The following ELMOD1 variants were observed in gnomAD, a reference collection of about 807,000 sequenced individuals.
ELMOD1 encodes ELMO domain containing 1.
In ELMOD1, 21 loss-of-function variants were observed where a neutral mutation model predicts 46.7. That is an observed-to-expected ratio of 0.45 (90% CI 0.32 to 0.65). The LOEUF is 0.65. ELMOD1 is among the 30% of genes least tolerant of loss of function. The pLI, the probability that ELMOD1 is intolerant of heterozygous loss-of-function variation, is 0.04. For missense variants in ELMOD1, 348 were observed against 407.8 expected, an observed-to-expected ratio of 0.85 and a Z score of 1.26; for synonymous variants, 122 against 138.2, an observed-to-expected ratio of 0.88 and a Z score of 0.82.
intron 1 of ELMOD1, among the ~76,000 whole-genome samples, chr11:107,594,112 T>C (rs1371272595): frequency 6.6e-6 from 1 of 151,640 alleles, no homozygotes; most frequent in African/African-American, 2.4e-5. Context: ...GCTGTGCCAG[T>C]AGTGTGTGTT....
At chr11:107,628,103 A>G (rs1388131258) in intron 2 of ELMOD1, among the ~76,000 whole-genome samples, 7 of 149,518 alleles carry the variant, frequency 4.7e-5, no homozygotes, top group African/African-American at 1.7e-4. Context: ...TTTTTTTGGC[A>G]TAGCTATCCA....
intron 2 of ELMOD1, chr11:107,625,266 A>G (rs1261811687): frequency 4.5e-6 from 2 of 440,678 alleles, no homozygotes; most frequent in Non-Finnish European, 6.0e-6. Context: ...GGGGACATTG[A>G]GCCGCTTGCT....
At chr11:107,617,582 A>G (rs940385702) in intron 1 of ELMOD1, among the ~76,000 whole-genome samples, 4 of 152,188 alleles carry the variant, frequency 2.6e-5, no homozygotes, top group South Asian at 2.1e-4. Context: ...CCAAAAGACA[A>G]TGGGGCCTGG....
chr11:107,628,334 T>A (rs1330982750), intron 2 of ELMOD1, among the ~76,000 whole-genome samples: 1 of 152,008 alleles, frequency 6.6e-6, no homozygotes, highest in Non-Finnish European at 1.5e-5. Context: ...GCCCAGCTAA[T>A]TTTTGTATTT....
chr11:107,663,654 G>A (rs1055754230), intron 11 of ELMOD1, among the ~76,000 whole-genome samples: 1 of 152,196 alleles, frequency 6.6e-6, no homozygotes, highest in East Asian at 1.9e-4. Flanking sequence ...CCGGCCATGT[G>A]TGTTGGGGGC....
chr11:107,599,695 T>C (rs551787682), intron 1 of ELMOD1, among the ~76,000 whole-genome samples: 43 of 137,734 alleles, frequency 3.1e-4, no homozygotes, highest in African/African-American at 1.0e-3. Flanking sequence ...TGAGCCAAGA[T>C]TGTGGCACTG....
rs180727082 is a variant in ELMOD1, at chr11:107,637,096, C to T, written c.420+1331C>T. ...TTTTCAACAAATATAAGTGAATGCA[C>T]GAATTATTATAGTTCATTAGCTACA... On this transcript the variant is annotated intron_variant, in intron 6 of 11. Transcript: ENST00000265840. 4.8e-3 allele frequency among the ~76,000 whole-genome samples: 726 copies of T among 152,234 alleles called. 3 individuals are homozygous for T. The highest frequency in any genetic ancestry group is 0.022 in the South Asian group (106 of 4,820).
rs775607521 is a variant in ELMOD1, at chr11:107,635,638, T to G, written c.293T>G (p.Leu98Arg). The change falls in exon 6 of 12, where the codon CTG (leucine) becomes CGG (arginine). Residue 98 changes from leucine to arginine, a missense_variant and splice_region_variant. Transcript: ENST00000265840. ...TCTTCTGTTTTTGAACACCCTAGGCTGGGAATCTCTCTTCAGGCTTGCCTT... is the reference window on the plus strand; with the variant it reads ...TCTTCTGTTTTTGAACACCCTAGGCGGGGAATCTCTCTTCAGGCTTGCCTT... ...KKINPDVNPQ[L>R]GISLQACLLQ... is the part of the protein sequence containing the mutation. 35 of 1,613,138 alleles carry G rather than the reference T, an allele frequency of 2.2e-5. No homozygotes were observed. The highest frequency in any genetic ancestry group is 3.0e-5 in the Non-Finnish European group (35 of 1,179,572).
At chr11:107,615,036 A>G (rs901883370) in intron 1 of ELMOD1, among the ~76,000 whole-genome samples, 1 of 151,866 alleles carries the variant, frequency 6.6e-6, no homozygotes, top group Non-Finnish European at 1.5e-5. Flanking sequence ...CTCCTCCCCA[A>G]AGACTGTTGC....
At chr11:107,639,951 A>T (rs536634126) in intron 6 of ELMOD1, among the ~76,000 whole-genome samples, 50 of 152,244 alleles carry the variant, frequency 3.3e-4, no homozygotes, top group African/African-American at 1.1e-3. Flanking sequence ...TTATTTTTTC[A>T]GGGAAGAGCT....
chr11:107,619,219 T>A (rs1197249859), intron 2 of ELMOD1, among the ~76,000 whole-genome samples: 2 of 152,212 alleles, frequency 1.3e-5, no homozygotes, highest in Non-Finnish European at 2.9e-5. Context: ...TACTGGATCT[T>A]CGAATTGTGA....
At chr11:107,630,091 C>T (rs1866109749) in intron 2 of ELMOD1, among the ~76,000 whole-genome samples, 1 of 152,062 alleles carries the variant, frequency 6.6e-6, no homozygotes, top group Non-Finnish European at 1.5e-5. Context: ...AAAACACAAG[C>T]AGTATTAAAG....
intron 2 of ELMOD1, among the ~76,000 whole-genome samples, chr11:107,620,633 C>A (rs1865931114): frequency 6.6e-6 from 1 of 152,174 alleles, no homozygotes; most frequent in South Asian, 2.1e-4. Context: ...TTTGGGAGGC[C>A]TAGGCGGGCA....
intron 7 of ELMOD1, among the ~76,000 whole-genome samples, chr11:107,649,397 C>T (rs1417299053): frequency 6.6e-6 from 1 of 152,022 alleles, no homozygotes; most frequent in Non-Finnish European, 1.5e-5. Flanking sequence ...GTAAGATAAG[C>T]CCCATAAACA....
chr11:107,632,909 T>C (rs1866164919), intron 5 of ELMOD1, among the ~76,000 whole-genome samples: 1 of 152,160 alleles, frequency 6.6e-6, no homozygotes, highest in Admixed American at 6.5e-5. Context: ...AGGTTGAGGA[T>C]CCCTAATCTG....
chr11:107,662,012 G>A (rs1866747538), intron 11 of ELMOD1, among the ~76,000 whole-genome samples: 1 of 152,180 alleles, frequency 6.6e-6, no homozygotes, highest in South Asian at 2.1e-4. Flanking sequence ...GAAATGATGA[G>A]GAGAAGCAGT....
chr11:107,627,092 G>C (rs1327012533), intron 2 of ELMOD1, among the ~76,000 whole-genome samples: 1 of 152,156 alleles, frequency 6.6e-6, no homozygotes, highest in African/African-American at 2.4e-5. Flanking sequence ...TTGATCTGAT[G>C]ATCTGGATTA....
chr11:107,640,043 ACGCAGG>A (rs1426621336), intron 6 of ELMOD1, among the ~76,000 whole-genome samples: 1 of 152,180 alleles, frequency 6.6e-6, no homozygotes, highest in East Asian at 1.9e-4. Context: ...TCACTCTGTC[ACGCAGG>A]CTGGAGTGCA....
chr11:107,598,067 A>G (rs1004660211), intron 1 of ELMOD1, among the ~76,000 whole-genome samples: 4 of 152,184 alleles, frequency 2.6e-5, no homozygotes, highest in African/African-American at 9.7e-5. Context: ...CATACAGTGG[A>G]CAACTGTCAT....
Sources: allele counts gnomAD v4.1 joint callset (sites outside exome capture counted in the v4.1 genomes callset), GRCh38; gene constraint gnomAD v4.1.1; transcripts MANE v1.5; gene names NCBI Gene and HGNC (gene_info 2026-07-23, HGNC 2026-07-21).